The following NRG3 variants were observed in gnomAD, a reference collection of about 807,000 sequenced individuals.
NRG3 encodes neuregulin 3.
Under a neutral mutation model 66.9 loss-of-function variants are expected in NRG3, and 31 were observed. The ratio of observed to expected loss-of-function variants is 0.46; its 90% CI spans 0.35 to 0.63. The LOEUF (loss-of-function observed/expected upper bound fraction) is 0.63, where lower values mean the gene tolerates loss of function less well. NRG3 is among the 20% of genes least tolerant of loss of function. NRG3 has a pLI of 0.00. For synonymous variants in NRG3, 393 were observed against 359.4 expected (o/e 1.09, Z -1.06); for missense variants, 910 against 878.9 (o/e 1.04, Z -0.45).
chr10:81,878,924 A>G (rs1245977014), intron 1 of NRG3, among the ~76,000 whole-genome samples: 1 of 152,192 alleles, frequency 6.6e-6, no homozygotes, highest in African/African-American at 2.4e-5. Context: ...AGGCTGGTTC[A>G]CTGACAATGA....
intron 1 of NRG3, among the ~76,000 whole-genome samples, chr10:82,095,200 A>C (rs1462771739): frequency 2.0e-5 from 3 of 152,112 alleles, no homozygotes; most frequent in African/African-American, 4.8e-5. Flanking sequence ...TGAGCTTGTG[A>C]GGTTTTTAAT....
chr10:82,986,685 C>T lies in NRG3; in HGVS notation c.*1080C>T, dbSNP rs2132719992. ...ATGTGAATACTTTTGAGAGGATCAA[C>T]TATTGGCTCATTAATGATATCAGTA... On this transcript the variant is annotated 3_prime_UTR_variant, in exon 9 of 9. Coordinates refer to ENST00000372141, the MANE Select transcript of NRG3 (RefSeq NM_001010848.4). The T allele has an allele frequency of 6.6e-6, 1 of 152,270 alleles. No individual in the cohort carries two copies. Among genetic ancestry groups the T allele is most frequent in the Non-Finnish European group, 1.5e-5 (1 of 68,022 alleles). The allele number at this position is 152,270 out of a possible 1,614,324, so 9.4% of individuals were successfully genotyped here.
At chr10:82,137,762 T>C (rs968741669) in intron 1 of NRG3, among the ~76,000 whole-genome samples, 1 of 152,308 alleles carries the variant, frequency 6.6e-6, no homozygotes. Flanking sequence ...TGCCTGAGGC[T>C]CTGCTGAGCA....
At chr10:82,102,775 T>C (rs897813361) in intron 1 of NRG3, among the ~76,000 whole-genome samples, 11 of 151,958 alleles carry the variant, frequency 7.2e-5, no homozygotes, top group African/African-American at 2.7e-4. Context: ...TCCAACTGTA[T>C]AGATTTTTAA....
At chr10:82,593,388 T>A (rs953159674) in intron 2 of NRG3, among the ~76,000 whole-genome samples, 2 of 152,198 alleles carry the variant, frequency 1.3e-5, no homozygotes, top group African/African-American at 2.4e-5. Flanking sequence ...GCTCTTGAGA[T>A]TATGGTAGAA....
At chr10:81,969,220 A>G (rs750388684) in intron 1 of NRG3, among the ~76,000 whole-genome samples, 3 of 152,166 alleles carry the variant, frequency 2.0e-5, no homozygotes, top group Non-Finnish European at 4.4e-5. Flanking sequence ...AGAGCAACCA[A>G]TATGTCCTGA....
At chr10:82,441,486 T>C (rs1236526420) in intron 2 of NRG3, among the ~76,000 whole-genome samples, 1 of 152,182 alleles carries the variant, frequency 6.6e-6, no homozygotes, top group Non-Finnish European at 1.5e-5. Context: ...TCACTTTCAT[T>C]CGGAAACTTC....
At chr10:82,619,606 A>G (rs564125799) in intron 2 of NRG3, among the ~76,000 whole-genome samples, 2 of 152,310 alleles carry the variant, frequency 1.3e-5, no homozygotes, top group East Asian at 3.9e-4. Context: ...TGTGTTTCCT[A>G]AAAATGTTTA....
In NRG3 at chr10:82,678,954, A is replaced by G. The variant is rs550397898; in HGVS notation, c.954-59623A>G. On this transcript the variant is annotated intron_variant, in intron 2 of 8. Transcript: ENST00000372141. ...CACAAATATGCCACTCTTATACTCA[A>G]TATTTGAGGTGGACAATCTGACATT... is the stretch of plus-strand genomic sequence containing the variant. 1.2e-4 allele frequency among the ~76,000 whole-genome samples: 19 copies of G among 152,298 alleles called. No homozygotes were observed. The East Asian group carries it at 2.3e-3, about 19-fold the overall frequency.
intron 1 of NRG3, among the ~76,000 whole-genome samples, chr10:82,194,831 C>T (rs956891146): frequency 5.3e-5 from 8 of 152,088 alleles, no homozygotes; most frequent in African/African-American, 1.4e-4. Flanking sequence ...CGAAAGACCT[C>T]GTATCAAGAA....
chr10:81,938,514 T>G lies in NRG3; in HGVS notation c.823+62351T>G, dbSNP rs546937116. ...ATTGTAAATGGAATTGTTTTCTTAATTTTCTTTTTTGTTTGTTCATTGTTA... is the reference window on the plus strand; with the variant it reads ...ATTGTAAATGGAATTGTTTTCTTAAGTTTCTTTTTTGTTTGTTCATTGTTA... On this transcript the variant is annotated intron_variant, in intron 1 of 8. Coordinates refer to ENST00000372141, the MANE Select transcript of NRG3 (RefSeq NM_001010848.4). Among the ~76,000 whole-genome samples, 347 of 152,056 alleles carry G rather than the reference T, an allele frequency of 2.3e-3. 1 individual carries two copies. The highest frequency in any genetic ancestry group is 0.01 in the Middle Eastern group (3 of 294).
At chr10:82,662,150 T>C (rs2052413398) in intron 2 of NRG3, among the ~76,000 whole-genome samples, 1 of 152,230 alleles carries the variant, frequency 6.6e-6, no homozygotes. Flanking sequence ...TATTGTTTGC[T>C]GTCCTGGCTG....
At position 82,941,103 on chromosome 10, in the gene NRG3, T is replaced by A. The variant is rs367623680; in HGVS notation, c.1055-10366T>A. Among the ~76,000 whole-genome samples the A allele has an allele frequency of 4.6e-5, 7 of 152,104 alleles. No homozygotes were observed. In the South Asian group the frequency reaches 1.5e-3, roughly 32 times the overall value. The stretch of plus-strand genomic sequence containing the variant: ...CCTGGTCATCTCAGCTTCTCTGCAC[T>A]TGGATGGTGGGACTGGAGGCCCCCC... On this transcript the variant is annotated intron_variant, in intron 4 of 8. Transcript: ENST00000372141.
chr10:82,412,165 T>C (rs2088144362), intron 2 of NRG3, among the ~76,000 whole-genome samples: 1 of 152,130 alleles, frequency 6.6e-6, no homozygotes, highest in African/African-American at 2.4e-5. Context: ...GATATTACAG[T>C]TAATGTTTCC....
At chr10:82,536,871 A>T (rs1158008890) in intron 2 of NRG3, among the ~76,000 whole-genome samples, 2 of 151,250 alleles carry the variant, frequency 1.3e-5, no homozygotes, top group African/African-American at 4.8e-5. Context: ...TATTTTTATT[A>T]TTAAATTGAT....
At chr10:82,642,920 A>G (rs970334585) in intron 2 of NRG3, among the ~76,000 whole-genome samples, 3 of 151,934 alleles carry the variant, frequency 2.0e-5, no homozygotes, top group African/African-American at 7.2e-5. Flanking sequence ...ATTTAAAAGG[A>G]TATTTGTCTT....
intron 2 of NRG3, among the ~76,000 whole-genome samples, chr10:82,669,746 G>A (rs2053102736): frequency 6.6e-6 from 1 of 152,068 alleles, no homozygotes; most frequent in Non-Finnish European, 1.5e-5. Flanking sequence ...GGCTAACACG[G>A]TGAGACCCCG....
rs144827316 is a variant in NRG3 at position 82,920,902 on chromosome 10, C to T, written c.1055-30567C>T. 1.7e-3 allele frequency among the ~76,000 whole-genome samples: 264 copies of T among 151,944 alleles called. 2 individuals are homozygous for T. Among genetic ancestry groups the T allele is most frequent in the African/African-American group, 5.4e-3 (223 of 41,462 alleles). ...AAAAATGATTCCATAAGTAAATAAACGGGAAAAATAGACAAATCTCTCATG... is the reference window on the plus strand; with the variant it reads ...AAAAATGATTCCATAAGTAAATAAATGGGAAAAATAGACAAATCTCTCATG... On this transcript the variant is annotated intron_variant, in intron 4 of 8. Transcript: ENST00000372141.
At chr10:82,442,555 G>A (rs182922473) in intron 2 of NRG3, among the ~76,000 whole-genome samples, 1 of 152,090 alleles carries the variant, frequency 6.6e-6, no homozygotes, top group South Asian at 2.1e-4. Flanking sequence ...GAGCAAATAA[G>A]GAAACAGCAG....
Sources: allele counts gnomAD v4.1 joint callset (sites outside exome capture counted in the v4.1 genomes callset), GRCh38; gene constraint gnomAD v4.1.1; transcripts MANE v1.5; gene names NCBI Gene and HGNC (gene_info 2026-07-23, HGNC 2026-07-21).